The following TDRD3 variants were observed in gnomAD, a reference collection of about 807,000 sequenced individuals.
TDRD3 encodes tudor domain containing 3, also known as tudor domain-containing protein 3.
In TDRD3, 45 loss-of-function variants were observed where a neutral mutation model predicts 86.7. The observed-to-expected ratio is 0.52, with a 90% CI of 0.41 to 0.67. TDRD3 has a LOEUF of 0.67. Among genes scored for constraint, TDRD3 ranks in the 30% least tolerant of loss-of-function variants. The pLI is 0.00. For synonymous variants in TDRD3, 298 were observed against 301.7 expected, an observed-to-expected ratio of 0.99 and a Z score of 0.13; for missense variants, 814 against 889.0, an observed-to-expected ratio of 0.92 and a Z score of 1.07.
At chr13:60,562,540 A>G (rs1439559277) in intron 12 of TDRD3, among the ~76,000 whole-genome samples, 1 of 152,216 alleles carries the variant, frequency 6.6e-6, no homozygotes, top group Non-Finnish European at 1.5e-5. Context: ...TTCCATACAT[A>G]CAAGCTAAAC....
intron 12 of TDRD3, among the ~76,000 whole-genome samples, chr13:60,558,991 C>A (rs1201234701): frequency 4.2e-5 from 6 of 142,344 alleles, no homozygotes; most frequent in Non-Finnish European, 1.5e-5. Context: ...CTGTTGAAAG[C>A]AATTTGAAGA....
At chr13:60,464,620 G>T (rs939168985) in intron 4 of TDRD3, among the ~76,000 whole-genome samples, 1 of 151,852 alleles carries the variant, frequency 6.6e-6, no homozygotes. Flanking sequence ...ATATTATTCC[G>T]CCATAAAAAA....
chr13:60,513,565 G>A (rs1957104215), intron 10 of TDRD3, among the ~76,000 whole-genome samples: 1 of 152,138 alleles, frequency 6.6e-6, no homozygotes, highest in South Asian at 2.1e-4. Context: ...TGGTTTGGCT[G>A]TGTCCCCACC....
chr13:60,539,465 G>A (rs1196603232), intron 12 of TDRD3, among the ~76,000 whole-genome samples: 1 of 151,756 alleles, frequency 6.6e-6, no homozygotes, highest in Non-Finnish European at 1.5e-5. Flanking sequence ...TAAAATTAAT[G>A]TGGAAGAAGA....
chr13:60,496,144 A>G (rs539041313), intron 8 of TDRD3, among the ~76,000 whole-genome samples: 1 of 151,470 alleles, frequency 6.6e-6, no homozygotes, highest in South Asian at 2.1e-4. Context: ...CCCAGCCTAC[A>G]TCTTTATCCT....
chr13:60,476,422 C>G (rs1326700325), intron 5 of TDRD3, among the ~76,000 whole-genome samples: 1 of 151,988 alleles, frequency 6.6e-6, no homozygotes. Context: ...GTACCCAGTA[C>G]TCATTGTTAT....
chr13:60,471,853 C>T lies in TDRD3; in HGVS notation c.495+4474C>T, dbSNP rs941485950. Among the ~76,000 whole-genome samples the T allele has an allele frequency of 3.3e-5, 5 of 151,804 alleles. No homozygotes were observed. The South Asian group carries it at 1.0e-3, about 31-fold the overall frequency. Reference sequence around the variant, plus strand: ...ATTTCTTCCTTCTCAATTTGAATACCTTTATTTATTTTTCTTGCCTTATTT... The same window carrying T: ...ATTTCTTCCTTCTCAATTTGAATACTTTTATTTATTTTTCTTGCCTTATTT... On this transcript the variant is annotated intron_variant, in intron 5 of 13. Coordinates refer to ENST00000377881, the MANE Select transcript of TDRD3 (RefSeq NM_001146070.2).
chr13:60,510,337 A>G (rs921927574), intron 9 of TDRD3, among the ~76,000 whole-genome samples: 3 of 152,178 alleles, frequency 2.0e-5, no homozygotes, highest in Admixed American at 2.0e-4. Context: ...TCCCAGTCCT[A>G]TATTCTTTTA....
chr13:60,439,407 A>C (rs1955200759), intron 1 of TDRD3, among the ~76,000 whole-genome samples: 1 of 152,204 alleles, frequency 6.6e-6, no homozygotes, highest in Non-Finnish European at 1.5e-5. Context: ...AGAGCAGCTT[A>C]TACATCCCTT....
rs1290597390 is a variant in TDRD3, at chr13:60,397,335, C to G, written c.-30C>G. 7 of 1,437,784 alleles carry G rather than the reference C, an allele frequency of 4.9e-6. No homozygotes were observed. Among genetic ancestry groups the G allele is most frequent in the Non-Finnish European group, 6.4e-6 (7 of 1,088,166 alleles). 89.1% of individuals were successfully genotyped at this position (1,437,784 alleles called of 1,614,324 possible). A position where few individuals can be genotyped will look rare whatever the true frequency, so the allele number is the denominator to read the frequency against. ...GCCTCCCCATCACCCCCACCCCAGC[C>G]CCCCACCACCCCCGGCCTAAGCAGC... On this transcript the variant is annotated 5_prime_UTR_variant, in exon 1 of 14. Transcript: ENST00000377881.
intron 12 of TDRD3, among the ~76,000 whole-genome samples, chr13:60,564,304 G>A (rs1349059641): frequency 2.6e-5 from 4 of 152,104 alleles, no homozygotes; most frequent in African/African-American, 7.2e-5. Context: ...TTAGGGAGAC[G>A]TGAGACTTCA....
In TDRD3 at chr13:60,528,739, GCAGATCAGGA is replaced by G; in HGVS notation, c.1515_1524del (p.Ser505ArgfsTer19). On this transcript the variant is annotated frameshift_variant, in exon 11 of 14. Coordinates refer to ENST00000377881, the MANE Select transcript of TDRD3 (RefSeq NM_001146070.2). LOFTEE classifies it high-confidence loss of function. ...AAAAAAAGAGATAACTCTATGCAAA[GCAGATCAGGA>G]AAAGGTCCCTCCTTTGCAGAGGCAA... 2 of 1,613,048 alleles carry G rather than the reference GCAGATCAGGA, an allele frequency of 1.2e-6. No individual in the cohort carries two copies. The highest frequency in any genetic ancestry group is 1.7e-6 in the Non-Finnish European group (2 of 1,179,728).
intron 12 of TDRD3, among the ~76,000 whole-genome samples, chr13:60,551,884 T>C (rs1247002139): frequency 6.6e-6 from 1 of 152,148 alleles, no homozygotes; most frequent in Non-Finnish European, 1.5e-5. Flanking sequence ...TCAGTTCCCC[T>C]GAGAACTCAC....
chr13:60,492,496 G>A (rs1028232955), intron 7 of TDRD3, among the ~76,000 whole-genome samples: 1 of 152,234 alleles, frequency 6.6e-6, no homozygotes, highest in African/African-American at 2.4e-5. Flanking sequence ...GAAGGTGGAA[G>A]TTAAGTGACT....
intron 12 of TDRD3, among the ~76,000 whole-genome samples, chr13:60,548,145 A>G (rs971313127): frequency 1.3e-5 from 2 of 152,208 alleles, no homozygotes; most frequent in African/African-American, 4.8e-5. Flanking sequence ...AGTATAGTAG[A>G]GGGAAGACAT....
intron 3 of TDRD3, among the ~76,000 whole-genome samples, chr13:60,447,993 C>A (rs183164749): frequency 1.2e-4 from 19 of 152,214 alleles, no homozygotes; most frequent in Admixed American, 6.5e-4. Context: ...TGCACTGGAG[C>A]TTCTCCAAGA....
At chr13:60,537,755 T>C (rs2137827967) in intron 12 of TDRD3, 1 of 152,210 alleles carries the variant, frequency 6.6e-6, no homozygotes, top group South Asian at 2.1e-4. Flanking sequence ...GTGCACTATA[T>C]ATGTGCACTA....
At chr13:60,509,445 T>A (rs537450305) in intron 8 of TDRD3, 2 of 189,788 alleles carry the variant, frequency 1.1e-5, no homozygotes, top group African/African-American at 4.7e-5. Context: ...CCATGAAAAA[T>A]TTTCATTAAG....
At chr13:60,470,722 A>T (rs1207722936) in intron 5 of TDRD3, among the ~76,000 whole-genome samples, 1 of 151,226 alleles carries the variant, frequency 6.6e-6, no homozygotes, top group Non-Finnish European at 1.5e-5. Flanking sequence ...AGCTGGGATT[A>T]CAGGTGTGCA....
Sources: gnomAD v4.1 joint callset for allele counts (sites outside exome capture counted in the v4.1 genomes callset) on GRCh38, gnomAD v4.1.1 for gene constraint, MANE v1.5 for transcripts, NCBI Gene and HGNC (gene_info 2026-07-23, HGNC 2026-07-21) for gene names.